Variants in CCDC191 observed in about 807,000 individuals in gnomAD.
CCDC191 encodes coiled-coil domain-containing protein 191.
CCDC191 carries 99 observed loss-of-function variants against 114.0 expected under a neutral mutation model. The observed-to-expected ratio is 0.87, with a 90% CI of 0.74 to 1.03. The LOEUF (loss-of-function observed/expected upper bound fraction) is 1.03, where lower values mean the gene tolerates loss of function less well. Among genes scored for constraint, CCDC191 ranks in the 50% least tolerant of loss-of-function variants. The pLI is 0.00. For synonymous variants in CCDC191, 351 were observed against 376.0 expected (o/e 0.93, Z 0.77); for missense variants, 973 against 1,087.0 (o/e 0.90, Z 1.47).
chr3:114,035,140 T>G lies in CCDC191; in HGVS notation c.603A>C (p.Glu201Asp), dbSNP rs2076465332. ...GTTCTTTCTCACGTCTTAAGCGATT[T>G]TCTTTTACCTTAAAGCAAATATAAT... ...TMEMRHKQVK[E>D]NRLRREKELE... The change falls in exon 6 of 17, where the codon GAA (glutamate) becomes GAC (aspartate). Residue 201 changes from glutamate to aspartate, a missense_variant. Glu to Asp is a conservative substitution (Grantham distance 45, BLOSUM62 2). Coordinates refer to ENST00000295878, the MANE Select transcript of CCDC191 (RefSeq NM_020817.2). 1 of 1,611,202 alleles carries G rather than the reference T, an allele frequency of 6.2e-7. No homozygotes were observed. The highest frequency in any genetic ancestry group is 1.3e-5 in the African/African-American group (1 of 74,672).
chr3:114,031,179 G>A (rs2076399079), intron 7 of CCDC191, among the ~76,000 whole-genome samples: 1 of 152,154 alleles, frequency 6.6e-6, no homozygotes, highest in South Asian at 2.1e-4. Context: ...AGGTTTAAGT[G>A]TATCATTGCT....
intron 5 of CCDC191, 111 bp downstream of exon 5, chr3:114,036,497 C>T: frequency 1.5e-6 from 1 of 681,890 alleles, no homozygotes. Context: ...AACCAAACCA[C>T]AGATGGCACC....
intron 7 of CCDC191, among the ~76,000 whole-genome samples, chr3:114,030,271 A>G (rs62267075): frequency 0.055 from 8,338 of 152,242 alleles, 337 homozygotes; most frequent in Non-Finnish European, 0.077. Flanking sequence ...TAAAATATAT[A>G]TGATTGTACA....
intron 16 of CCDC191, among the ~76,000 whole-genome samples, chr3:113,972,931 A>C (rs1198874665): frequency 6.6e-6 from 1 of 151,778 alleles, no homozygotes; most frequent in Non-Finnish European, 1.5e-5. Flanking sequence ...TATCTCTTTC[A>C]GTCTATGTAT....
chr3:114,034,951 T>C lies in CCDC191; in HGVS notation c.792A>G (p.Arg264=), dbSNP rs6776294. The C allele has an allele frequency of 5.7e-3, 9,254 of 1,613,874 alleles. 467 individuals carry two copies. In the African/African-American group the frequency reaches 0.11, roughly 19 times the overall value. The change falls in exon 6 of 17, where the codon AGA becomes AGG. Residue 264 remains arginine (R), a synonymous_variant. Transcript: ENST00000295878. ...TTTTCCATGCTGCTTTCACAGTGCG[T>C]CTCCTCTCAATTATCTCCCTCCGCA... is the stretch of plus-strand genomic sequence containing the variant. ...VKLRREIIER[R]RTVKAAWKIE... is the part of the protein sequence containing the mutation.
chr3:114,034,898 C>T (rs746714456), intron 6 of CCDC191, 27 bp downstream of exon 6: 1 of 1,587,792 alleles, frequency 6.3e-7, no homozygotes, highest in Non-Finnish European at 8.6e-7. Context: ...ACAGAGAAAC[C>T]CCACAGTGCT....
chr3:114,016,772 T>A (rs1397920804), intron 8 of CCDC191, among the ~76,000 whole-genome samples: 2 of 152,230 alleles, frequency 1.3e-5, no homozygotes, highest in African/African-American at 2.4e-5. Flanking sequence ...ATTCTCCTTA[T>A]ACAAGTTTCT....
chr3:114,010,643 AG>A, intron 9 of CCDC191, 128 bp downstream of exon 9: 1 of 759,836 alleles, frequency 1.3e-6, no homozygotes, highest in Non-Finnish European at 2.1e-6. Context: ...ACTGCCTGAA[AG>A]GTAGTGCATT....
chr3:114,035,077 C>T lies in CCDC191; in HGVS notation c.666G>A (p.Ser222=), dbSNP rs769901640. ...CCAGACACTGAGCCTCCAAGAAGGC[C>T]GATTTTTTCAGGGTCTTTTCTATTC... is the stretch of plus-strand genomic sequence containing the variant. ...YQRIEKTLKK[S]AFLEAQCLVQ... The change falls in exon 6 of 17, where the codon TCG becomes TCA. Residue 222 remains serine (S), a synonymous_variant. Transcript: ENST00000295878. The T allele has an allele frequency of 2.3e-5, 37 of 1,613,918 alleles. No homozygotes were observed. The highest frequency in any genetic ancestry group is 3.0e-5 in the Non-Finnish European group (35 of 1,179,992).
chr3:114,005,417 T>G, intron 10 of CCDC191, 91 bp downstream of exon 10: 1 of 1,251,364 alleles, frequency 8.0e-7, no homozygotes, highest in Non-Finnish European at 1.1e-6. Flanking sequence ...GGAACAATCA[T>G]GGGGCTCAGA....
At chr3:114,037,093 T>C (rs1577461997) in intron 4 of CCDC191, 1 of 169,490 alleles carries the variant, frequency 5.9e-6, no homozygotes, top group East Asian at 1.6e-4. Flanking sequence ...TTGAGAGCTC[T>C]ACTGCTTTCA....
At position 113,980,661 on chromosome 3, in the gene CCDC191, GTTTGC is replaced by G; in HGVS notation, c.2291_2295del (p.Ser764ThrfsTer26). The G allele has an allele frequency of 6.3e-7, 1 of 1,588,636 alleles. No homozygotes were observed. Among genetic ancestry groups the G allele is most frequent in the Non-Finnish European group, 8.5e-7 (1 of 1,173,060 alleles). On this transcript the variant is annotated frameshift_variant, in exon 14 of 17. Coordinates refer to ENST00000295878, the MANE Select transcript of CCDC191 (RefSeq NM_020817.2). LOFTEE classifies it high-confidence loss of function. The stretch of plus-strand genomic sequence containing the variant: ...GTGGGACAGTGTACCTGGATGTTTT[GTTTGC>G]TTTGCATTCTCAATCTCTTCCAAGG...
intron 11 of CCDC191, chr3:114,003,903 T>A (rs531546819): frequency 6.4e-5 from 63 of 985,210 alleles, no homozygotes; most frequent in Non-Finnish European, 7.5e-5. Flanking sequence ...GGACTAAGCA[T>A]ATAGTAAAAA....
In CCDC191 at chr3:114,005,450, G is replaced by C; in HGVS notation, c.1868+58C>G. On this transcript the variant is annotated intron_variant, in intron 10 of 16. Coordinates refer to ENST00000295878, the MANE Select transcript of CCDC191 (RefSeq NM_020817.2). ...AGAAGCAGGGCAAAGAAGCTCAGGAGCCCAAAGTGAAAAACCCCTTAAAAT... is the reference window on the plus strand; with the variant it reads ...AGAAGCAGGGCAAAGAAGCTCAGGACCCCAAAGTGAAAAACCCCTTAAAAT... The C allele has an allele frequency of 6.7e-6, 10 of 1,489,778 alleles. No homozygotes were observed. The South Asian group carries it at 1.2e-4, about 18-fold the overall frequency. 92.3% of individuals were successfully genotyped at this position (1,489,778 alleles called of 1,614,324 possible). A position where few individuals can be genotyped will look rare whatever the true frequency, so the allele number is the denominator to read the frequency against.
chr3:113,984,829 T>A (rs2075295094), intron 13 of CCDC191, among the ~76,000 whole-genome samples: 1 of 152,204 alleles, frequency 6.6e-6, no homozygotes, highest in Non-Finnish European at 1.5e-5. Context: ...AGTAATGTAT[T>A]TTTCACCATT....
chr3:114,040,100 G>A (rs968043261), intron 4 of CCDC191, among the ~76,000 whole-genome samples: 1 of 152,086 alleles, frequency 6.6e-6, no homozygotes, highest in Non-Finnish European at 1.5e-5. Context: ...CATATGTACT[G>A]TACCTTTTTT....
At chr3:114,017,398 G>A (rs963835734) in intron 8 of CCDC191, among the ~76,000 whole-genome samples, 1 of 152,114 alleles carries the variant, frequency 6.6e-6, no homozygotes, top group Admixed American at 6.6e-5. Context: ...AGATGGAGAT[G>A]TATTATTCAG....
chr3:114,015,215 G>A (rs886893033), intron 8 of CCDC191, among the ~76,000 whole-genome samples: 3 of 152,064 alleles, frequency 2.0e-5, no homozygotes, highest in Non-Finnish European at 4.4e-5. Context: ...AACAAAGAAC[G>A]AAGGGCTTGA....
At chr3:114,047,356 C>T (rs1043444335) in intron 2 of CCDC191, among the ~76,000 whole-genome samples, 3 of 152,126 alleles carry the variant, frequency 2.0e-5, no homozygotes, top group South Asian at 2.1e-4. Flanking sequence ...TATTTACCTG[C>T]ACAGAATAAA....
Sources: allele counts gnomAD v4.1 joint callset (sites outside exome capture counted in the v4.1 genomes callset), GRCh38; gene constraint gnomAD v4.1.1; transcripts MANE v1.5; gene names NCBI Gene and HGNC (gene_info 2026-07-23, HGNC 2026-07-21).